C2orf66: variants seen among roughly 807,000 people sequenced by gnomAD.
C2orf66 encodes the protein uncharacterized protein C2orf66.
In C2orf66, 6 loss-of-function variants were observed where a neutral mutation model predicts 7.0. The observed-to-expected ratio is 0.86, with a 90% CI of 0.47 to 1.69. The LOEUF is 1.69. C2orf66 is among the 40% of genes most tolerant of loss of function. The pLI, the probability that C2orf66 is intolerant of heterozygous loss-of-function variation, is 0.01. For synonymous variants in C2orf66, 38 were observed against 43.8 expected (o/e 0.87, Z 0.52); for missense variants, 107 against 112.0 (o/e 0.96, Z 0.20).
the C2orf66 span, among the ~76,000 whole-genome samples, chr2:196,816,161 T>C: frequency 6.6e-6 from 1 of 152,144 alleles, no homozygotes; most frequent in Non-Finnish European, 1.5e-5. Context: ...CCATAGTGAC[T>C]ATGACAGACA....
the C2orf66 span, among the ~76,000 whole-genome samples, chr2:196,828,234 A>T: frequency 0.014 from 1,226 of 86,466 alleles, 5 homozygotes; most frequent in African/African-American, 0.061. Context: ...TCTCTCTCAC[A>T]CACACACACA....
upstream of C2orf66, among the ~76,000 whole-genome samples, chr2:196,814,295 C>T (rs1463491955): frequency 6.6e-6 from 1 of 152,094 alleles, no homozygotes; most frequent in Non-Finnish European, 1.5e-5. Context: ...AACTGGAAAC[C>T]ATCATTCTCA....
chr2:196,807,682 G>A, intron 1 of C2orf66, 60 bp from the exon 2 acceptor site: 1 of 1,378,866 alleles, frequency 7.3e-7, no homozygotes, highest in South Asian at 1.3e-5. Flanking sequence ...AAATAAAGGT[G>A]TTTTTCTTCC....
chr2:196,822,386 C>T, the C2orf66 span, among the ~76,000 whole-genome samples: 1 of 152,158 alleles, frequency 6.6e-6, no homozygotes, highest in Non-Finnish European at 1.5e-5. Context: ...AACGTTTATA[C>T]TCCCCCTTCA....
At chr2:196,828,228 TCTCACA>T in the C2orf66 span, among the ~76,000 whole-genome samples, 317 of 127,360 alleles carry the variant, frequency 2.5e-3, no homozygotes, top group South Asian at 6.5e-3. Flanking sequence ...TCTCTCTCTC[TCTCACA>T]CACACACACA....
chr2:196,817,698 T>G, the C2orf66 span, among the ~76,000 whole-genome samples: 5 of 152,222 alleles, frequency 3.3e-5, no homozygotes, highest in African/African-American at 7.2e-5. Flanking sequence ...CTCAACTGCA[T>G]AAGACAGACA....
chr2:196,808,158 GT>G (rs1462544784), intron 1 of C2orf66, among the ~76,000 whole-genome samples: 1 of 152,186 alleles, frequency 6.6e-6, no homozygotes, highest in African/African-American at 2.4e-5. Context: ...CAGGCTGGTT[GT>G]GGTAACAATC....
chr2:196,831,005 A>G, the C2orf66 span, among the ~76,000 whole-genome samples: 2 of 152,194 alleles, frequency 1.3e-5, no homozygotes, highest in Admixed American at 1.3e-4. Flanking sequence ...TCTGAGCCAA[A>G]CTTAGGCCAA....
the C2orf66 span, among the ~76,000 whole-genome samples, chr2:196,829,458 A>G: frequency 3.3e-5 from 5 of 152,028 alleles, no homozygotes; most frequent in Non-Finnish European, 1.5e-5. Flanking sequence ...GCATGGTGGC[A>G]GACGCCTGTA....
At chr2:196,817,308 C>T in the C2orf66 span, among the ~76,000 whole-genome samples, 4 of 146,238 alleles carry the variant, frequency 2.7e-5, no homozygotes, top group Admixed American at 6.9e-5. Flanking sequence ...GATCTTGGCT[C>T]ACTTCAAGCT....
chr2:196,807,504 G>A lies in C2orf66; in HGVS notation c.242C>T (p.Ala81Val), dbSNP rs1325980532. ...RPLSFQSELTASASADYEEQK... is the reference protein window; with the variant it reads ...RPLSFQSELTVSASADYEEQK... ...CTCTTCATAATCTGCAGATGCAGAA[G>A]CAGTAAGTTCTGACTGGAAAGAGAG... Residue 81 changes from alanine to valine, a missense_variant, in exon 2 of 3, where the codon GCT (alanine) becomes GTT (valine). Coordinates refer to ENST00000342506, the MANE Select transcript of C2orf66 (RefSeq NM_213608.3). 2 of 1,613,272 alleles carry A rather than the reference G, an allele frequency of 1.2e-6. No homozygotes were observed. The highest frequency in any genetic ancestry group is 1.1e-5 in the South Asian group (1 of 90,858).
the C2orf66 span, among the ~76,000 whole-genome samples, chr2:196,820,363 C>T: frequency 6.6e-6 from 1 of 152,194 alleles, no homozygotes; most frequent in Non-Finnish European, 1.5e-5. Flanking sequence ...AGATATCTCC[C>T]ATTAGTCATC....
At chr2:196,828,854 A>C in the C2orf66 span, among the ~76,000 whole-genome samples, 1 of 152,158 alleles carries the variant, frequency 6.6e-6, no homozygotes, top group African/African-American at 2.4e-5. Flanking sequence ...GACCACATAA[A>C]AGTGAATTCT....
the C2orf66 span, among the ~76,000 whole-genome samples, chr2:196,817,438 T>C: frequency 6.6e-6 from 1 of 152,050 alleles, no homozygotes; most frequent in African/African-American, 2.4e-5. Context: ...GGTTTCACCG[T>C]GTTAGCCAGG....
the C2orf66 span, among the ~76,000 whole-genome samples, chr2:196,815,157 C>T: frequency 6.6e-6 from 1 of 151,718 alleles, no homozygotes. Context: ...TTTTGTAGAA[C>T]CATGTTTCAC....
the C2orf66 span, among the ~76,000 whole-genome samples, chr2:196,820,878 C>A: frequency 6.6e-6 from 1 of 152,176 alleles, no homozygotes; most frequent in Admixed American, 6.5e-5. Context: ...AAAATGCCCA[C>A]CCCAAAGACA....
the C2orf66 span, among the ~76,000 whole-genome samples, chr2:196,819,556 T>A: frequency 1.6e-4 from 25 of 152,314 alleles, no homozygotes; most frequent in African/African-American, 6.0e-4. Context: ...CTATGGTACT[T>A]TGTTACAGCA....
the C2orf66 span, among the ~76,000 whole-genome samples, chr2:196,818,675 C>T: frequency 6.6e-6 from 1 of 152,230 alleles, no homozygotes; most frequent in Admixed American, 6.5e-5. Context: ...CGGATTCACA[C>T]ACTGACTGAG....
chr2:196,829,434 C>T, the C2orf66 span, among the ~76,000 whole-genome samples: 1 of 151,922 alleles, frequency 6.6e-6, no homozygotes, highest in Non-Finnish European at 1.5e-5. Flanking sequence ...ACTAAAAATA[C>T]AAAAAATAAC....
Sources: gnomAD v4.1 joint callset for allele counts (sites outside exome capture counted in the v4.1 genomes callset) on GRCh38, gnomAD v4.1.1 for gene constraint, MANE v1.5 for transcripts, NCBI Gene and HGNC (gene_info 2026-07-23, HGNC 2026-07-21) for gene names.